Variants in SLMAP observed in about 807,000 individuals in gnomAD.
The protein encoded by SLMAP is sarcolemma associated protein.
SLMAP carries 44 observed loss-of-function variants against 128.8 expected under a neutral mutation model. That is an observed-to-expected ratio of 0.34 (90% CI 0.27 to 0.44). SLMAP has a LOEUF of 0.44. Among genes scored for constraint, SLMAP ranks in the 20% least tolerant of loss-of-function variants. The pLI is 1.00. For synonymous variants in SLMAP, 327 were observed against 348.8 expected (o/e 0.94, Z 0.70); for missense variants, 787 against 985.3 (o/e 0.80, Z 2.69).
At chr3:57,863,706 A>G (rs2095197301) in intron 10 of SLMAP, among the ~76,000 whole-genome samples, 1 of 152,142 alleles carries the variant, frequency 6.6e-6, no homozygotes, top group African/African-American at 2.4e-5. Context: ...CAAGCCATTC[A>G]TGAGGGATCT....
intron 2 of SLMAP, among the ~76,000 whole-genome samples, chr3:57,795,024 C>T (rs952435891): frequency 6.6e-6 from 1 of 152,138 alleles, no homozygotes; most frequent in African/African-American, 2.4e-5. Flanking sequence ...GGTGCCTATA[C>T]CATTCCCACC....
intron 4 of SLMAP, among the ~76,000 whole-genome samples, chr3:57,844,082 AC>A (rs76930916): frequency 0.31 from 46,527 of 151,042 alleles, 7,462 homozygotes; most frequent in East Asian, 0.47. Flanking sequence ...ACCTGGGCCA[AC>A]CATTTTCTAA....
chr3:57,843,911 G>T (rs1406458792), intron 4 of SLMAP, among the ~76,000 whole-genome samples: 1 of 149,644 alleles, frequency 6.7e-6, no homozygotes, highest in Non-Finnish European at 1.5e-5. Context: ...CTCCCAAGTA[G>T]CTGGGATTAC....
At chr3:57,806,281 G>T (rs898934111) in intron 2 of SLMAP, among the ~76,000 whole-genome samples, 7 of 151,852 alleles carry the variant, frequency 4.6e-5, no homozygotes, top group African/African-American at 1.7e-4. Flanking sequence ...TTGTTCAGCT[G>T]CCACTTATGA....
At chr3:57,884,302 T>C (rs890386761) in intron 14 of SLMAP, among the ~76,000 whole-genome samples, 1 of 152,124 alleles carries the variant, frequency 6.6e-6, no homozygotes, top group African/African-American at 2.4e-5. Context: ...AGGTTTGCTC[T>C]CTGGAGGCTG....
chr3:57,855,208 T>C (rs896873149), intron 6 of SLMAP, among the ~76,000 whole-genome samples: 5 of 151,756 alleles, frequency 3.3e-5, no homozygotes, highest in African/African-American at 1.2e-4. Context: ...CAAAACCCTG[T>C]CTCTACTAAA....
chr3:57,927,159 A>C (rs1351384639), intron 24 of SLMAP, 137 bp from the exon 25 acceptor site: 1 of 458,824 alleles, frequency 2.2e-6, no homozygotes, highest in African/African-American at 2.0e-5. Context: ...TTCTTTTCAA[A>C]CTTTATATTT....
intron 10 of SLMAP, among the ~76,000 whole-genome samples, chr3:57,862,946 G>A (rs546499728): frequency 3.9e-5 from 6 of 152,274 alleles, no homozygotes; most frequent in Middle Eastern, 3.4e-3. Context: ...TAGTTCCTCT[G>A]GATGAATATG....
At chr3:57,858,258 C>T (rs2094885700) in intron 8 of SLMAP, 99 bp downstream of exon 8, 2 of 722,768 alleles carry the variant, frequency 2.8e-6, no homozygotes, top group Admixed American at 4.5e-5. Context: ...AAACTTCATA[C>T]ATTTCCACAA....
intron 2 of SLMAP, among the ~76,000 whole-genome samples, chr3:57,758,244 G>T (rs2153423892): frequency 6.6e-6 from 1 of 152,288 alleles, no homozygotes; most frequent in South Asian, 2.1e-4. Context: ...ATTATCCCGG[G>T]GCTCAAGTGT....
At chr3:57,774,993 C>G (rs1192297724) in intron 2 of SLMAP, among the ~76,000 whole-genome samples, 1 of 152,004 alleles carries the variant, frequency 6.6e-6, no homozygotes, top group Non-Finnish European at 1.5e-5. Flanking sequence ...AATATTATTC[C>G]CCAAACCAAA....
At chr3:57,896,757 C>G in intron 16 of SLMAP, 116 bp from the exon 17 acceptor site, 4 of 1,391,144 alleles carry the variant, frequency 2.9e-6, no homozygotes. Context: ...AAACTACTTT[C>G]AACTACCCGA....
At chr3:57,822,945 T>C (rs889300943) in intron 2 of SLMAP, among the ~76,000 whole-genome samples, 1 of 152,168 alleles carries the variant, frequency 6.6e-6, no homozygotes, top group African/African-American at 2.4e-5. Context: ...TTGCAAAGAA[T>C]AGGTTGGAAA....
chr3:57,871,189 C>T (rs111707077), intron 13 of SLMAP, among the ~76,000 whole-genome samples: 4,018 of 152,150 alleles, frequency 0.026, 162 homozygotes, highest in African/African-American at 0.091. Context: ...TCTTAAAAAT[C>T]TTATGGTATT....
At chr3:57,812,769 C>T (rs939356351) in intron 2 of SLMAP, among the ~76,000 whole-genome samples, 1 of 151,612 alleles carries the variant, frequency 6.6e-6, no homozygotes, top group Non-Finnish European at 1.5e-5. Flanking sequence ...AATATTTTAC[C>T]TCTTTGGCTA....
chr3:57,867,181 AAAAAC>A (rs1163513322), intron 13 of SLMAP, among the ~76,000 whole-genome samples: 2 of 152,196 alleles, frequency 1.3e-5, no homozygotes, highest in Admixed American at 6.5e-5. Flanking sequence ...TCTTGTCTCA[AAAAAC>A]AAAACAAAAC....
At chr3:57,855,861 T>C (rs2153590359) in intron 6 of SLMAP, among the ~76,000 whole-genome samples, 1 of 151,498 alleles carries the variant, frequency 6.6e-6, no homozygotes, top group African/African-American at 2.4e-5. Context: ...CTGTCCAACA[T>C]GGTAAAACGC....
intron 2 of SLMAP, among the ~76,000 whole-genome samples, chr3:57,788,262 T>C (rs1047333753): frequency 6.6e-6 from 1 of 152,186 alleles, no homozygotes; most frequent in African/African-American, 2.4e-5. Context: ...GCTTTTTCCT[T>C]TAGGAACAGG....
intron 17 of SLMAP, chr3:57,897,790 A>C (rs1265405104): frequency 6.6e-6 from 1 of 152,214 alleles, no homozygotes; most frequent in Non-Finnish European, 1.5e-5. Flanking sequence ...CAGGAAGTAC[A>C]TTTCTTGATA....
Sources: allele counts gnomAD v4.1 joint callset (sites outside exome capture counted in the v4.1 genomes callset), GRCh38; gene constraint gnomAD v4.1.1; transcripts MANE v1.5; gene names NCBI Gene and HGNC (gene_info 2026-07-23, HGNC 2026-07-21).